Variants in NRG1 observed in about 807,000 individuals in gnomAD.
NRG1 encodes neuregulin 1, also known as pro-neuregulin-1, membrane-bound isoform.
A neutral mutation model predicts 63.8 loss-of-function variants in NRG1; 18 were observed. That is an observed-to-expected ratio of 0.28 (90% confidence interval 0.19 to 0.42). The LOEUF (loss-of-function observed/expected upper bound fraction) is 0.42, where lower values mean the gene tolerates loss of function less well. Ranked by LOEUF, NRG1 falls within the 10% of genes least tolerant of loss-of-function variation. The pLI is 1.00. For synonymous variants in NRG1, 302 were observed against 301.3 expected (o/e 1.00, Z -0.02); for missense variants, 762 against 814.7 (o/e 0.94, Z 0.79).
chr8:31,667,389 A>G (rs1263475924), intron 1 of NRG1, among the ~76,000 whole-genome samples: 3 of 152,196 alleles, frequency 2.0e-5, no homozygotes, highest in Non-Finnish European at 4.4e-5. Flanking sequence ...GTGCTAGTAT[A>G]TGCCAAGCAC....
At chr8:32,023,419 C>T (rs1324249727) in intron 1 of NRG1, among the ~76,000 whole-genome samples, 1 of 152,200 alleles carries the variant, frequency 6.6e-6, no homozygotes, top group East Asian at 1.9e-4. Context: ...AGTGAATGAA[C>T]TTGGGAACAG....
chr8:32,152,191 G>A (rs534558031), intron 1 of NRG1, among the ~76,000 whole-genome samples: 7 of 152,308 alleles, frequency 4.6e-5, no homozygotes, highest in African/African-American at 1.4e-4. Flanking sequence ...TCTAAAAGTT[G>A]TGGTCTTCAT....
chr8:32,218,872 T>C (rs1845521175), intron 1 of NRG1, among the ~76,000 whole-genome samples: 1 of 152,160 alleles, frequency 6.6e-6, no homozygotes, highest in South Asian at 2.1e-4. Context: ...AGGCAGGATT[T>C]CCGTGGGTGT....
At chr8:32,573,705 G>T (rs1309253541) in intron 1 of NRG1, among the ~76,000 whole-genome samples, 1 of 151,766 alleles carries the variant, frequency 6.6e-6, no homozygotes, top group Non-Finnish European at 1.5e-5. Flanking sequence ...ACAATGTGCA[G>T]GTTTGTTACA....
At chr8:32,315,122 G>A (rs13279468) in intron 1 of NRG1, among the ~76,000 whole-genome samples, 19,904 of 152,150 alleles carry the variant, frequency 0.13, 1,402 homozygotes, top group South Asian at 0.18. Flanking sequence ...TGTGCAGGAC[G>A]TGCAGGTTTG....
chr8:32,347,397 C>T (rs183328562), intron 1 of NRG1, among the ~76,000 whole-genome samples: 1 of 152,232 alleles, frequency 6.6e-6, no homozygotes, highest in Non-Finnish European at 1.5e-5. Flanking sequence ...AAGAACCCTG[C>T]AGGGTGTTCA....
At chr8:32,366,729 T>C (rs1434025124) in intron 1 of NRG1, among the ~76,000 whole-genome samples, 33 of 135,560 alleles carry the variant, frequency 2.4e-4, no homozygotes, top group Non-Finnish European at 3.6e-4. Flanking sequence ...CTTTTTTTTT[T>C]GAGACAGAGT....
chr8:32,042,514 G>T (rs1173165465), intron 1 of NRG1, among the ~76,000 whole-genome samples: 1 of 151,914 alleles, frequency 6.6e-6, no homozygotes, highest in Non-Finnish European at 1.5e-5. Flanking sequence ...ATGAAAAATT[G>T]CTCAGCATAT....
At chr8:32,024,327 GAA>G (rs1041538936) in intron 1 of NRG1, among the ~76,000 whole-genome samples, 1 of 152,170 alleles carries the variant, frequency 6.6e-6, no homozygotes, top group Non-Finnish European at 1.5e-5. Context: ...GAAAACAGAT[GAA>G]AATGAGCCCA....
chr8:32,106,397 C>T (rs1831266923), intron 1 of NRG1, among the ~76,000 whole-genome samples: 1 of 152,142 alleles, frequency 6.6e-6, no homozygotes, highest in South Asian at 2.1e-4. Flanking sequence ...TGCACATAGG[C>T]ACATCATCTC....
chr8:31,817,832 T>A (rs1386113510), intron 1 of NRG1, among the ~76,000 whole-genome samples: 3 of 152,242 alleles, frequency 2.0e-5, no homozygotes, highest in African/African-American at 7.2e-5. Flanking sequence ...TGTCTAAAAT[T>A]TCTTTTGTAA....
chr8:32,171,745 A>T (rs570832644), intron 1 of NRG1, among the ~76,000 whole-genome samples: 180 of 152,186 alleles, frequency 1.2e-3, no homozygotes, highest in African/African-American at 4.0e-3. Context: ...AGCCTCCCTC[A>T]TTGCTAGCAC....
intron 1 of NRG1, among the ~76,000 whole-genome samples, chr8:32,173,879 A>G (rs1272960184): frequency 1.3e-5 from 2 of 152,208 alleles, no homozygotes; most frequent in African/African-American, 4.8e-5. Context: ...AGACTCCCAC[A>G]CAATAATAAT....
chr8:32,608,795 C>T (rs1395037950), intron 3 of NRG1, among the ~76,000 whole-genome samples: 2 of 152,128 alleles, frequency 1.3e-5, no homozygotes. Context: ...TTTCAGACTC[C>T]GCCTCTTTAT....
intron 1 of NRG1, among the ~76,000 whole-genome samples, chr8:31,862,651 C>G (rs1363422596): frequency 6.6e-6 from 1 of 152,144 alleles, no homozygotes; most frequent in African/African-American, 2.4e-5. Context: ...ATAATATCAG[C>G]ATTTAAAGTA....
rs193177520 is a variant in NRG1 at position 31,705,271 on chromosome 8, C to G, written c.37+65840C>G. On this transcript the variant is annotated intron_variant, in intron 1 of 10. Coordinates refer to the NRG1 transcript ENST00000519301. ...CCATGTTGGCCAGGATGGTCTCCAT[C>G]TCCTGACCTTGTGATCCACCTGCTT... Among the ~76,000 whole-genome samples the G allele has an allele frequency of 6.6e-4, 100 of 152,256 alleles. No homozygotes were observed. The East Asian group carries it at 0.016, about 24-fold the overall frequency.
At chr8:31,856,739 T>C (rs1048426319) in intron 1 of NRG1, among the ~76,000 whole-genome samples, 1 of 152,154 alleles carries the variant, frequency 6.6e-6, no homozygotes, top group African/African-American at 2.4e-5. Context: ...CCCATCTTTG[T>C]GGTTTTATCT....
At position 32,386,813 on chromosome 8, in the gene NRG1, T is replaced by C. The variant is rs77089695; in HGVS notation, c.38-209015T>C. Among the ~76,000 whole-genome samples the C allele has an allele frequency of 9.5e-3, 1,448 of 152,304 alleles. 20 individuals are homozygous for C. The highest frequency in any genetic ancestry group is 0.032 in the African/African-American group (1,325 of 41,556). ...ATTTCTTGACCTACTCCTAGACCCA[T>C]GCAGATACCAAATTTTACAAATTTT... is the stretch of plus-strand genomic sequence containing the variant. On this transcript the variant is annotated intron_variant, in intron 1 of 10. Coordinates refer to the NRG1 transcript ENST00000519301.
At chr8:32,645,395 G>A (rs1310179446) in intron 5 of NRG1, among the ~76,000 whole-genome samples, 2 of 152,170 alleles carry the variant, frequency 1.3e-5, no homozygotes, top group Non-Finnish European at 2.9e-5. Context: ...TCATAGTCAT[G>A]GTTACATTTA....
Sources: gnomAD v4.1 joint callset for allele counts (sites outside exome capture counted in the v4.1 genomes callset) on GRCh38, gnomAD v4.1.1 for gene constraint, MANE v1.5 for transcripts, NCBI Gene and HGNC (gene_info 2026-07-23, HGNC 2026-07-21) for gene names.